CD99L2: variants seen among roughly 807,000 people sequenced by gnomAD.
The protein encoded by CD99L2 is CD99 antigen-like protein 2.
CD99L2 carries 24 observed loss-of-function variants against 27.3 expected under a neutral mutation model. That is an observed-to-expected ratio of 0.88 (90% CI 0.64 to 1.24). The LOEUF is 1.24. Among genes scored for constraint, CD99L2 ranks in the 50% most tolerant of loss-of-function variants. CD99L2 has a pLI of 0.00. For missense variants in CD99L2, 255 were observed against 221.6 expected, an observed-to-expected ratio of 1.15 and a Z score of -0.96; for synonymous variants, 97 against 87.9, an observed-to-expected ratio of 1.10 and a Z score of -0.58.
At position 150,898,659 on chromosome X, in the gene CD99L2, G is replaced by A. The variant is rs1420258228; in HGVS notation, c.-71C>T. The A allele has an allele frequency of 2.8e-5, 27 of 952,127 alleles. No homozygotes were observed. Among genetic ancestry groups the A allele is most frequent in the Non-Finnish European group, 3.7e-5 (27 of 729,195 alleles). 78.5% of individuals were successfully genotyped at this position (952,127 alleles called of 1,213,427 possible). A position where few individuals can be genotyped will look rare whatever the true frequency, so the allele number is the denominator to read the frequency against. On this transcript the variant is annotated 5_prime_UTR_variant, in exon 1 of 11. Transcript: ENST00000370377. ...GAGCGCCCGAAGGGGAGGCCGAGGA[G>A]GAGCGGGAGGAGGAGCCCCGCCGCC...
intron 1 of CD99L2, among the ~76,000 whole-genome samples, chrX:150,893,477 T>C (rs980460752): frequency 9.2e-6 from 1 of 108,822 alleles, no homozygotes; most frequent in South Asian, 4.0e-4. Context: ...GCCTGGCATC[T>C]CAGCACTGCC....
chrX:150,796,814 T>C (rs984032141), intron 4 of CD99L2, among the ~76,000 whole-genome samples: 47 of 112,357 alleles, frequency 4.2e-4, no homozygotes, highest in Middle Eastern at 4.6e-3. Flanking sequence ...TTATACTTAA[T>C]TCAAATTAGA....
At chrX:150,782,069 A>G (rs1488734411) in intron 7 of CD99L2, among the ~76,000 whole-genome samples, 1 of 111,819 alleles carries the variant, frequency 8.9e-6, no homozygotes, top group African/African-American at 3.3e-5. Context: ...GGGCATGGAG[A>G]GTAACGTAAT....
chrX:150,896,175 G>A lies in CD99L2; in HGVS notation c.67+2347C>T, dbSNP rs372911227. Among the ~76,000 whole-genome samples, 162 of 111,490 alleles carry A rather than the reference G, an allele frequency of 1.5e-3. 1 individual carries two copies. The highest frequency in any genetic ancestry group is 4.9e-3 in the African/African-American group (152 of 30,728). ...AGAACTTTGGGAGGCCGAGGCGGGC[G>A]GATCACGAGGTCAGGAGTTCGAGAC... On this transcript the variant is annotated intron_variant, in intron 1 of 10. Coordinates refer to ENST00000370377, the MANE Select transcript of CD99L2 (RefSeq NM_031462.4).
At chrX:150,787,635 T>C (rs1390671794) in intron 7 of CD99L2, among the ~76,000 whole-genome samples, 3 of 106,278 alleles carry the variant, frequency 2.8e-5, no homozygotes, top group Non-Finnish European at 5.8e-5. Context: ...CTGAGCAAAC[T>C]ATCACAAAGG....
chrX:150,771,671 TG>T, intron 9 of CD99L2: 2 of 712,278 alleles, frequency 2.8e-6, no homozygotes, highest in Non-Finnish European at 4.2e-6. Context: ...AAGATGGTCC[TG>T]GTTACAGCCA....
intron 7 of CD99L2, among the ~76,000 whole-genome samples, chrX:150,779,857 A>C (rs782202953): frequency 8.9e-6 from 1 of 112,495 alleles, no homozygotes; most frequent in South Asian, 3.7e-4. Context: ...AAAAGATCAG[A>C]TCAAAAGTGA....
In CD99L2 at chrX:150,769,634, GT is replaced by G. The variant is rs1557418891; in HGVS notation, c.722-534del. On this transcript the variant is annotated intron_variant, in intron 10 of 10. Transcript: ENST00000370377. ...CAGTCCCCACGGCTGCTGCACTGTA[GT>G]TCCACTGGCAACACTCGCCTGAGCT... Among the ~76,000 whole-genome samples, 536 of 109,937 alleles carry G rather than the reference GT, an allele frequency of 4.9e-3. 1 individual carries two copies. Among genetic ancestry groups the G allele is most frequent in the African/African-American group, 0.017 (507 of 30,613 alleles).
intron 1 of CD99L2, among the ~76,000 whole-genome samples, chrX:150,867,169 G>A (rs187968221): frequency 9.0e-6 from 1 of 111,670 alleles, no homozygotes; most frequent in African/African-American, 3.3e-5. Flanking sequence ...CAGCACTTTG[G>A]GAGGATGGGG....
rs782232660 is a variant in CD99L2, at chrX:150,831,302, TA to T, written c.68-10del. 3,903 of 1,009,611 alleles carry T rather than the reference TA, an allele frequency of 3.9e-3. 19 individuals carry two copies. The highest frequency in any genetic ancestry group is 0.028 in the African/African-American group (1,396 of 50,606). 83.2% of individuals were successfully genotyped at this position (1,009,611 alleles called of 1,213,427 possible). A position where few individuals can be genotyped will look rare whatever the true frequency, so the allele number is the denominator to read the frequency against. On this transcript the variant is annotated splice_polypyrimidine_tract_variant and intron_variant, in intron 1 of 10. Transcript: ENST00000370377. ...ATCAAAGTCCCCAGATCCTAAAAATTAAAAAAAAAAATTAAACTATCTTTGC... is the reference window on the plus strand; with the variant it reads ...ATCAAAGTCCCCAGATCCTAAAAATTAAAAAAAAAATTAAACTATCTTTGC...
chrX:150,836,431 G>A (rs7882752), intron 1 of CD99L2, among the ~76,000 whole-genome samples: 10,116 of 108,564 alleles, frequency 0.093, 684 homozygotes, highest in African/African-American at 0.24. Context: ...AGGTTCAAGC[G>A]ATTTTCCTGC....
chrX:150,795,560 A>C, intron 4 of CD99L2, 74 bp from the exon 5 acceptor site: 2 of 1,011,198 alleles, frequency 2.0e-6, no homozygotes, highest in Non-Finnish European at 2.8e-6. Flanking sequence ...TGGCTCAGGG[A>C]AGTCACATCA....
chrX:150,844,044 C>T (rs1189684293), intron 1 of CD99L2, among the ~76,000 whole-genome samples: 4 of 112,438 alleles, frequency 3.6e-5, no homozygotes, highest in African/African-American at 1.3e-4. Flanking sequence ...GACAGTGGCA[C>T]AAGCCTCTAG....
chrX:150,770,176 T>A, intron 10 of CD99L2, 128 bp downstream of exon 10: 1 of 634,389 alleles, frequency 1.6e-6, no homozygotes, highest in East Asian at 3.5e-5. Flanking sequence ...CAGGGCAGGC[T>A]TTTGCTCTGG....
At chrX:150,788,520 G>T (rs1389101422) in intron 7 of CD99L2, among the ~76,000 whole-genome samples, 1 of 111,181 alleles carries the variant, frequency 9.0e-6, no homozygotes, top group Admixed American at 9.5e-5. Context: ...CTTGAGGGGA[G>T]ATAAAGAGAA....
intron 1 of CD99L2, among the ~76,000 whole-genome samples, chrX:150,835,388 G>A (rs181820943): frequency 1.6e-4 from 18 of 111,149 alleles, no homozygotes; most frequent in African/African-American, 4.2e-4. Flanking sequence ...TTATTAGCCC[G>A]GCATGGTGGT....
chrX:150,847,836 A>G (rs782302105), intron 1 of CD99L2, among the ~76,000 whole-genome samples: 26 of 110,749 alleles, frequency 2.3e-4, no homozygotes, highest in Non-Finnish European at 4.2e-4. Context: ...AGAACTGTCA[A>G]TTCCACCCCC....
chrX:150,789,505 C>G (rs900530181), intron 7 of CD99L2, among the ~76,000 whole-genome samples: 14 of 111,893 alleles, frequency 1.3e-4, no homozygotes, highest in African/African-American at 4.6e-4. Context: ...TGTGGCTTGT[C>G]TTTTTCTTTT....
chrX:150,822,765 T>C (rs1557420703), intron 2 of CD99L2, among the ~76,000 whole-genome samples: 1 of 112,594 alleles, frequency 8.9e-6, no homozygotes, highest in African/African-American at 3.2e-5. Flanking sequence ...ATATACACAA[T>C]AAATTTTAAA....
Sources: allele counts gnomAD v4.1 joint callset (sites outside exome capture counted in the v4.1 genomes callset), GRCh38; gene constraint gnomAD v4.1.1; transcripts MANE v1.5; gene names NCBI Gene and HGNC (gene_info 2026-07-23, HGNC 2026-07-21).